ABHD2: variants seen among roughly 807,000 people sequenced by gnomAD.
ABHD2 encodes abhydrolase domain containing 2, acylglycerol lipase, also known as monoacylglycerol lipase ABHD2.
ABHD2 carries 20 observed loss-of-function variants against 48.1 expected under a neutral mutation model. The ratio of observed to expected loss-of-function variants is 0.42; its 90% CI spans 0.29 to 0.60. The LOEUF (loss-of-function observed/expected upper bound fraction) is 0.60. Among genes scored for constraint, ABHD2 ranks in the 20% least tolerant of loss-of-function variants. ABHD2 has a pLI of 0.24. For missense variants in ABHD2, 405 were observed against 550.9 expected, an observed-to-expected ratio of 0.74 and a Z score of 2.65; for synonymous variants, 209 against 214.2, an observed-to-expected ratio of 0.98 and a Z score of 0.21.
At chr15:89,077,994 C>T in the ABHD2 span, among the ~76,000 whole-genome samples, 1 of 152,170 alleles carries the variant, frequency 6.6e-6, no homozygotes, top group African/African-American at 2.4e-5. Flanking sequence ...TTTTCCCTTT[C>T]CCTTGAATAT....
intron 2 of ABHD2, among the ~76,000 whole-genome samples, chr15:89,115,154 C>T (rs1330333969): frequency 6.6e-6 from 1 of 152,152 alleles, no homozygotes; most frequent in Non-Finnish European, 1.5e-5. Flanking sequence ...CTGTTGTTAG[C>T]AGAGGCTACT....
the ABHD2 span, among the ~76,000 whole-genome samples, chr15:89,079,015 G>A: frequency 1.3e-5 from 2 of 152,202 alleles, no homozygotes; most frequent in African/African-American, 4.8e-5. The surrounding 1 kb of genome is among the most constrained non-coding windows in gnomAD (Gnocchi z 4.3). Flanking sequence ...TTACAGGCAT[G>A]AGTCACTGTG....
At chr15:89,165,894 G>T (rs932191703) in intron 5 of ABHD2, among the ~76,000 whole-genome samples, 1 of 152,194 alleles carries the variant, frequency 6.6e-6, no homozygotes, top group Admixed American at 6.5e-5. Flanking sequence ...TGCTTCTTCT[G>T]TCTCTCTTTG....
rs2051377597 is a variant in ABHD2 at position 89,195,174 on chromosome 15, G to A, written c.1082-53G>A. On this transcript the variant is annotated intron_variant, in intron 10 of 10. Coordinates refer to ENST00000352732, the MANE Select transcript of ABHD2 (RefSeq NM_152924.5). The surrounding 1 kb of genome is among the most constrained non-coding windows in gnomAD (Gnocchi z 5.1). ...TAGCCAGCTCACCTCTGCACCTCCT[G>A]TCCTGGAGCAAACTAGAGAACAGTA... 3.2e-6 allele frequency: 5 copies of A among 1,578,136 alleles called. No homozygotes were observed. The highest frequency in any genetic ancestry group is 2.4e-5 in the South Asian group (2 of 84,668).
chr15:89,076,231 A>G, the ABHD2 span, among the ~76,000 whole-genome samples: 10 of 152,264 alleles, frequency 6.6e-5, no homozygotes, highest in South Asian at 2.1e-3. Flanking sequence ...TACTCAAACA[A>G]ATAGACAAAG....
At chr15:89,181,554 C>T (rs1334165227) in intron 6 of ABHD2, among the ~76,000 whole-genome samples, 1 of 152,096 alleles carries the variant, frequency 6.6e-6, no homozygotes, top group Non-Finnish European at 1.5e-5. Flanking sequence ...CTTGCCCATC[C>T]CACTCTTACA....
intron 4 of ABHD2, among the ~76,000 whole-genome samples, chr15:89,152,233 G>A (rs1156608451): frequency 1.3e-5 from 2 of 151,928 alleles, no homozygotes; most frequent in East Asian, 1.9e-4. Context: ...CAGCCACCAC[G>A]CTCGGCTAAT....
upstream of ABHD2, among the ~76,000 whole-genome samples, chr15:89,086,466 G>A (rs1327585852): frequency 1.3e-5 from 2 of 152,010 alleles, no homozygotes; most frequent in Non-Finnish European, 2.9e-5. Flanking sequence ...CCAGGCTGGA[G>A]TGCAGTGGTG....
At chr15:89,135,742 A>G in intron 3 of ABHD2, 1 of 1,088,800 alleles carries the variant, frequency 9.2e-7, no homozygotes, top group Admixed American at 1.7e-5. Context: ...TCTTTTTATA[A>G]GGCTGCCTGT....
At chr15:89,145,247 C>T (rs968663177) in intron 3 of ABHD2, among the ~76,000 whole-genome samples, 1 of 152,202 alleles carries the variant, frequency 6.6e-6, no homozygotes, top group African/African-American at 2.4e-5. Flanking sequence ...CAGAGTGAGA[C>T]TCCATTGCAA....
At chr15:89,077,409 A>G in the ABHD2 span, among the ~76,000 whole-genome samples, 3 of 152,212 alleles carry the variant, frequency 2.0e-5, no homozygotes, top group African/African-American at 7.2e-5. Context: ...TGGACAGTTT[A>G]CAATCTTAAG....
At chr15:89,054,185 G>A in the ABHD2 span, among the ~76,000 whole-genome samples, 37 of 151,922 alleles carry the variant, frequency 2.4e-4, no homozygotes, top group African/African-American at 8.9e-4. Context: ...AGCTGGGCAT[G>A]GTGACACACG....
Position 89,191,045 on chromosome 15 carries a change from C to A in ABHD2, c.927-35C>A, listed in dbSNP as rs1199023130. ...CTGATCTTAAAGACCAATGTTTTGTCCTTTTTCTTTTTTTCTTTTTCTGGT... is the reference window on the plus strand; with the variant it reads ...CTGATCTTAAAGACCAATGTTTTGTACTTTTTCTTTTTTTCTTTTTCTGGT... On this transcript the variant is annotated intron_variant, in intron 8 of 10. Coordinates refer to ENST00000352732, the MANE Select transcript of ABHD2 (RefSeq NM_152924.5). 8 of 1,603,400 alleles carry A rather than the reference C, an allele frequency of 5.0e-6. No homozygotes were observed. In the Admixed American group the frequency reaches 1.2e-4, roughly 23 times the overall value.
At chr15:89,122,328 C>T (rs568011372) in intron 3 of ABHD2, among the ~76,000 whole-genome samples, 5 of 152,302 alleles carry the variant, frequency 3.3e-5, no homozygotes, top group African/African-American at 1.2e-4. Flanking sequence ...AAATCAAGAG[C>T]CGCATACCTG....
the ABHD2 span, among the ~76,000 whole-genome samples, chr15:89,050,415 G>A: frequency 6.6e-6 from 1 of 152,292 alleles, no homozygotes; most frequent in Admixed American, 6.5e-5. Context: ...AACAACCATG[G>A]GGCTATGGGT....
At position 89,197,563 on chromosome 15, in the gene ABHD2, A is replaced by G. The variant is rs1485903734; in HGVS notation, c.*2140A>G. ...TGAATCACCACCCCAGAAGAGCGAG[A>G]GGCTCCTTTCATATGCCTGAGGCCA... On this transcript the variant is annotated 3_prime_UTR_variant, in exon 11 of 11. Transcript: ENST00000352732. The surrounding 1 kb of genome is among the most constrained non-coding windows in gnomAD (Gnocchi z 4.4). 1.3e-5 allele frequency: 2 copies of G among 152,294 alleles called. No homozygotes were observed. The highest frequency in any genetic ancestry group is 2.9e-5 in the Non-Finnish European group (2 of 68,072). 9.4% of individuals were successfully genotyped at this position (152,294 alleles called of 1,614,324 possible). A position where few individuals can be genotyped will look rare whatever the true frequency, so the allele number is the denominator to read the frequency against.
chr15:89,147,090 A>G (rs919871112), intron 3 of ABHD2, among the ~76,000 whole-genome samples: 2 of 152,220 alleles, frequency 1.3e-5, no homozygotes, highest in Non-Finnish European at 2.9e-5. Context: ...AATAAACTAG[A>G]ATACAAAGTA....
intron 1 of ABHD2, among the ~76,000 whole-genome samples, chr15:89,107,148 G>C (rs896778923): frequency 6.6e-6 from 1 of 152,160 alleles, no homozygotes. Flanking sequence ...CAGCAGGAGA[G>C]GGGTGGTGTC....
rs376550242 is a variant in ABHD2 at position 89,185,531 on chromosome 15, G to A, written c.815+15G>A. 7.5e-6 allele frequency: 12 copies of A among 1,609,368 alleles called. No homozygotes were observed. The South Asian group carries it at 7.7e-5, about 10-fold the overall frequency. ...CTCTCGCACAGGTAGGTCACCTTCCGTTCTCTCTCAGGAGACAGACAGTTC... is the reference window on the plus strand; with the variant it reads ...CTCTCGCACAGGTAGGTCACCTTCCATTCTCTCTCAGGAGACAGACAGTTC... On this transcript the variant is annotated intron_variant, in intron 7 of 10. Coordinates refer to ENST00000352732, the MANE Select transcript of ABHD2 (RefSeq NM_152924.5). The surrounding 1 kb of genome is among the most constrained non-coding windows in gnomAD (Gnocchi z 5.9).
Sources: allele counts gnomAD v4.1 joint callset (sites outside exome capture counted in the v4.1 genomes callset), GRCh38; gene constraint gnomAD v4.1.1; non-coding constraint Gnocchi (gnomAD v3.1); transcripts MANE v1.5; gene names NCBI Gene and HGNC (gene_info 2026-07-23, HGNC 2026-07-21).